CADPS: variants seen among roughly 807,000 people sequenced by gnomAD.
CADPS encodes the protein calcium-dependent secretion activator 1.
In CADPS, 57 loss-of-function variants were observed where a neutral mutation model predicts 167.3. The observed-to-expected ratio is 0.34, with a 90% CI of 0.28 to 0.42. The LOEUF is 0.42. Ranked by LOEUF, CADPS falls within the 20% of genes least tolerant of loss-of-function variation. The pLI, the probability that CADPS is intolerant of heterozygous loss-of-function variation, is 1.00. For synonymous variants in CADPS, 676 were observed against 635.3 expected (o/e 1.06, Z -0.96); for missense variants, 1,414 against 1,738.1 (o/e 0.81, Z 3.32).
chr3:62,666,553 A>G (rs1456486960), intron 3 of CADPS, among the ~76,000 whole-genome samples: 1 of 152,138 alleles, frequency 6.6e-6, no homozygotes, highest in Non-Finnish European at 1.5e-5. Context: ...TCAAAAATGT[A>G]CATGCGCATA....
chr3:62,443,162 T>C (rs1419517058), intron 27 of CADPS, among the ~76,000 whole-genome samples: 1 of 152,222 alleles, frequency 6.6e-6, no homozygotes, highest in Non-Finnish European at 1.5e-5. Flanking sequence ...TGGCAGAATT[T>C]GTAAGGGCAT....
intron 3 of CADPS, among the ~76,000 whole-genome samples, chr3:62,717,358 C>T (rs1461618339): frequency 6.6e-6 from 1 of 152,098 alleles, no homozygotes; most frequent in African/African-American, 2.4e-5. Flanking sequence ...ACCCAATAAC[C>T]CAATCATATC....
chr3:62,426,980 C>A (rs2052862024), intron 28 of CADPS, among the ~76,000 whole-genome samples: 1 of 149,914 alleles, frequency 6.7e-6, no homozygotes, highest in East Asian at 2.0e-4. Flanking sequence ...GAGGCTGAGG[C>A]AGGAGAATGG....
intron 3 of CADPS, among the ~76,000 whole-genome samples, chr3:62,703,826 C>T (rs2081864950): frequency 6.6e-6 from 1 of 152,042 alleles, no homozygotes; most frequent in Admixed American, 6.6e-5. Context: ...AGTAAAGATC[C>T]CCAATGCAGC....
At chr3:62,764,154 C>A (rs2086256872) in intron 2 of CADPS, among the ~76,000 whole-genome samples, 1 of 152,140 alleles carries the variant, frequency 6.6e-6, no homozygotes, top group Non-Finnish European at 1.5e-5. Context: ...TCTGCTTGGC[C>A]TGACAAGGGT....
chr3:62,861,963 T>C (rs1335651977), intron 1 of CADPS, among the ~76,000 whole-genome samples: 4 of 152,030 alleles, frequency 2.6e-5, no homozygotes, highest in Non-Finnish European at 5.9e-5. Context: ...GAGGCTTAGT[T>C]CAAATACCAC....
chr3:62,518,958 G>C (rs186101224), intron 13 of CADPS, among the ~76,000 whole-genome samples: 11 of 152,148 alleles, frequency 7.2e-5, no homozygotes, highest in Admixed American at 2.0e-4. Flanking sequence ...TAATAAAAAG[G>C]ACCCCAGCTT....
intron 1 of CADPS, among the ~76,000 whole-genome samples, chr3:62,835,379 A>G (rs1436188878): frequency 6.6e-6 from 1 of 152,172 alleles, no homozygotes; most frequent in Non-Finnish European, 1.5e-5. Context: ...CAAAAAACCT[A>G]TTTTCATCCA....
chr3:62,625,900 T>C (rs1336745060), intron 6 of CADPS: 2 of 151,160 alleles, frequency 1.3e-5, no homozygotes, highest in Non-Finnish European at 2.9e-5. Context: ...ACATGATTTA[T>C]TTCCCTGTAA....
At chr3:62,731,805 CAAAAAAAAAAAAA>C (rs1212456893) in intron 3 of CADPS, among the ~76,000 whole-genome samples, 7 of 27,136 alleles carry the variant, frequency 2.6e-4, no homozygotes, top group Admixed American at 5.3e-4. Context: ...TGATCATATG[CAAAAAAAAAAAAA>C]AAAAAAAAAA....
At chr3:62,812,011 A>T (rs1258657528) in intron 1 of CADPS, among the ~76,000 whole-genome samples, 1 of 152,104 alleles carries the variant, frequency 6.6e-6, no homozygotes, top group African/African-American at 2.4e-5. Context: ...ATCTTATGTA[A>T]TGGTATATAT....
At chr3:62,518,102 TC>T (rs1159707270) in intron 14 of CADPS, 46 bp downstream of exon 14, 3 of 1,311,822 alleles carry the variant, frequency 2.3e-6, no homozygotes, top group Non-Finnish European at 3.3e-6. Context: ...AGTTTTCCCT[TC>T]CCACTCTCAT....
intron 11 of CADPS, among the ~76,000 whole-genome samples, chr3:62,542,852 A>C (rs2075914463): frequency 6.6e-6 from 1 of 152,212 alleles, no homozygotes; most frequent in Non-Finnish European, 1.5e-5. Context: ...TTTGTCAAAG[A>C]TCTCAAGCAA....
chr3:62,622,162 A>C (rs1370744432), intron 6 of CADPS, among the ~76,000 whole-genome samples: 4 of 152,132 alleles, frequency 2.6e-5, no homozygotes, highest in Non-Finnish European at 5.9e-5. Flanking sequence ...GTATCTCCAG[A>C]GAATCAGCCC....
chr3:62,674,682 A>G (rs2076071174), intron 3 of CADPS, among the ~76,000 whole-genome samples: 1 of 152,180 alleles, frequency 6.6e-6, no homozygotes, highest in African/African-American at 2.4e-5. Flanking sequence ...AAAACCCAAA[A>G]TTACATTATT....
chr3:62,869,383 C>T (rs1224068419), intron 1 of CADPS, among the ~76,000 whole-genome samples: 2 of 152,106 alleles, frequency 1.3e-5, no homozygotes, highest in African/African-American at 2.4e-5. Flanking sequence ...GTTTCTGTCA[C>T]TTAGAACCAA....
chr3:62,523,190 CTTTT>C (rs563851024), intron 13 of CADPS, among the ~76,000 whole-genome samples: 9 of 151,306 alleles, frequency 5.9e-5, no homozygotes, highest in Admixed American at 4.6e-4. Flanking sequence ...TTGCATTTTT[CTTTT>C]TTTTTGTCAA....
Position 62,838,270 on chromosome 3 carries a change from G to C in CADPS, c.441+36319C>G, listed in dbSNP as rs554569037. Among the ~76,000 whole-genome samples, 3 of 152,320 alleles carry C rather than the reference G, an allele frequency of 2.0e-5. No individual in the cohort carries two copies. In the East Asian group the frequency reaches 5.8e-4, roughly 29 times the overall value. ...GTCAGAAATGCATGTCTCCTGATTT[G>C]ACAGGTGGGCTACACAATTGAAAGT... On this transcript the variant is annotated intron_variant, in intron 1 of 29. Transcript: ENST00000383710.
intron 17 of CADPS, among the ~76,000 whole-genome samples, chr3:62,506,939 G>T (rs972728542): frequency 6.6e-5 from 10 of 152,202 alleles, no homozygotes; most frequent in African/African-American, 2.4e-4. Flanking sequence ...TCACATTAAA[G>T]AAGCCTGTCA....
Sources: allele counts gnomAD v4.1 joint callset (sites outside exome capture counted in the v4.1 genomes callset), GRCh38; gene constraint gnomAD v4.1.1; transcripts MANE v1.5; gene names NCBI Gene and HGNC (gene_info 2026-07-23, HGNC 2026-07-21).